The following TRAPPC9 variants were observed in gnomAD, a reference collection of about 807,000 sequenced individuals.
TRAPPC9 encodes the protein trafficking protein particle complex subunit 9.
TRAPPC9 carries 83 observed loss-of-function variants against 124.0 expected under a neutral mutation model. The observed-to-expected ratio is 0.67, with a 90% confidence interval of 0.56 to 0.80. TRAPPC9 has a LOEUF of 0.80. Ranked by LOEUF, TRAPPC9 falls within the 30% of genes least tolerant of loss-of-function variation. The pLI, the probability that TRAPPC9 is intolerant of heterozygous loss-of-function variation, is 0.00. For synonymous variants in TRAPPC9, 638 were observed against 617.5 expected (o/e 1.03, Z -0.49); for missense variants, 1,302 against 1,508.3 (o/e 0.86, Z 2.27).
chr8:140,287,764 C>T (rs182078522), intron 12 of TRAPPC9, 30 bp from the exon 13 acceptor site: 605 of 1,613,718 alleles, frequency 3.7e-4, no homozygotes, highest in Non-Finnish European at 3.8e-4. Flanking sequence ...ATCGTAAGCC[C>T]GGAGCAAACC....
chr8:140,398,471 G>A (rs7463325), intron 6 of TRAPPC9, among the ~76,000 whole-genome samples: 7 of 152,292 alleles, frequency 4.6e-5, no homozygotes, highest in East Asian at 1.9e-4. Context: ...TATGGACAAC[G>A]AAAGAGGGCT....
chr8:140,210,635 G>A (rs538681340), intron 17 of TRAPPC9, among the ~76,000 whole-genome samples: 15 of 151,870 alleles, frequency 9.9e-5, no homozygotes, highest in African/African-American at 2.7e-4. Flanking sequence ...GCAAACCGAC[G>A]ATTACATGGC....
chr8:140,054,602 A>G (rs528667464), intron 17 of TRAPPC9, among the ~76,000 whole-genome samples: 2 of 152,332 alleles, frequency 1.3e-5, no homozygotes, highest in African/African-American at 2.4e-5. Context: ...ATGATTTTAA[A>G]AAACAACTAA....
At chr8:140,339,567 C>G (rs1462223571) in intron 9 of TRAPPC9, among the ~76,000 whole-genome samples, 1 of 152,164 alleles carries the variant, frequency 6.6e-6, no homozygotes, top group African/African-American at 2.4e-5. Context: ...GTCTCACCTC[C>G]CAACTCCTCA....
intron 18 of TRAPPC9, among the ~76,000 whole-genome samples, chr8:139,996,158 C>CAAAAAAAAAAAAAAAAAAAAAA: frequency 1.0e-4 from 2 of 19,424 alleles, no homozygotes; most frequent in East Asian, 2.4e-3. Context: ...AAAACTTAAG[C>CAAAAAAAAAAAAAAAAAAAAAA]AAAAAAAAAA....
At chr8:139,824,034 C>T (rs1169359058) in intron 21 of TRAPPC9, among the ~76,000 whole-genome samples, 1 of 152,222 alleles carries the variant, frequency 6.6e-6, no homozygotes, top group Non-Finnish European at 1.5e-5. Context: ...CAGCAGTTTA[C>T]ATGGGGCTCT....
At position 140,097,610 on chromosome 8, in the gene TRAPPC9, G is replaced by C. The variant is rs1453528650; in HGVS notation, c.2557-73531C>G. On this transcript the variant is annotated intron_variant, in intron 17 of 22. Transcript: ENST00000438773. This position sits in a 1 kb window ranked among gnomAD's most constrained non-coding sequence, Gnocchi z 4.2. ...GCTGTCCACACCATAAAAACTCCTG[G>C]CCACAGACGTGCCACAGTCGGCAGG... 2 of 152,248 alleles carry C rather than the reference G, an allele frequency of 1.3e-5. No individual in the cohort carries two copies. The highest frequency in any genetic ancestry group is 2.9e-5 in the Non-Finnish European group (2 of 68,078). The allele number at this position is 152,248 out of a possible 1,614,324, so 9.4% of individuals were successfully genotyped here. A position where few individuals can be genotyped will look rare whatever the true frequency, so the allele number is the denominator to read the frequency against.
intron 21 of TRAPPC9, among the ~76,000 whole-genome samples, chr8:139,755,386 T>G (rs1285016779): frequency 8.1e-6 from 1 of 123,150 alleles, no homozygotes; most frequent in African/African-American, 3.1e-5. Flanking sequence ...GGGTTGGGGA[T>G]GAGGACAGCA....
At chr8:140,395,076 G>A (rs2069049999) in intron 7 of TRAPPC9, among the ~76,000 whole-genome samples, 1 of 152,214 alleles carries the variant, frequency 6.6e-6, no homozygotes, top group Non-Finnish European at 1.5e-5. Flanking sequence ...ACTTTGAAGT[G>A]TCAGGTTCCC....
chr8:140,354,273 C>G (rs1013041712), intron 9 of TRAPPC9, among the ~76,000 whole-genome samples: 1 of 152,178 alleles, frequency 6.6e-6, no homozygotes, highest in Non-Finnish European at 1.5e-5. Flanking sequence ...AGGATGACAG[C>G]TCCATTAATC....
intron 18 of TRAPPC9, among the ~76,000 whole-genome samples, chr8:140,007,250 A>G (rs560287923): frequency 1.3e-5 from 2 of 152,248 alleles, no homozygotes; most frequent in African/African-American, 2.4e-5. Context: ...ATCAGGGGCA[A>G]TAACAGTAAC....
At chr8:139,939,314 A>C (rs1320246914) in intron 19 of TRAPPC9, among the ~76,000 whole-genome samples, 1 of 152,186 alleles carries the variant, frequency 6.6e-6, no homozygotes, top group East Asian at 1.9e-4. Context: ...CCCTGAGGTG[A>C]GTGGACAACA....
chr8:139,921,114 C>T (rs537412142), intron 19 of TRAPPC9, among the ~76,000 whole-genome samples: 1 of 152,254 alleles, frequency 6.6e-6, no homozygotes, highest in East Asian at 1.9e-4. Flanking sequence ...AGCTAGAGGA[C>T]ACTGGCCACT....
At chr8:139,777,323 T>C (rs1821459992) in intron 21 of TRAPPC9, among the ~76,000 whole-genome samples, 1 of 152,194 alleles carries the variant, frequency 6.6e-6, no homozygotes, top group African/African-American at 2.4e-5. Context: ...AGAGCTTCAT[T>C]TTTCTAAAGT....
rs1441046714 is a variant in TRAPPC9, at chr8:139,742,001, T to C, written c.3056-9799A>G. On this transcript the variant is annotated intron_variant, in intron 21 of 22. Coordinates refer to ENST00000438773, the MANE Select transcript of TRAPPC9 (RefSeq NM_001160372.4). The surrounding 1 kb of genome is among the most constrained non-coding windows in gnomAD (Gnocchi z 4.7). The stretch of plus-strand genomic sequence containing the variant: ...GCACATTTATGGAGAAGATTTTGTG[T>C]GGACACAGGTTATTATTTCTCATGG... Among the ~76,000 whole-genome samples, 1 of 152,232 alleles carries C rather than the reference T, an allele frequency of 6.6e-6. No homozygotes were observed. The highest frequency in any genetic ancestry group is 1.5e-5 in the Non-Finnish European group (1 of 68,042).
chr8:140,231,368 T>G (rs1433531013), intron 16 of TRAPPC9, among the ~76,000 whole-genome samples: 2 of 151,758 alleles, frequency 1.3e-5, no homozygotes, highest in Non-Finnish European at 2.9e-5. Context: ...AATGACTTCA[T>G]GAATGAATAA....
At chr8:139,876,784 C>G (rs138059987) in intron 21 of TRAPPC9, among the ~76,000 whole-genome samples, 41 of 152,324 alleles carry the variant, frequency 2.7e-4, no homozygotes, top group African/African-American at 9.9e-4. Context: ...GCTCCAACAA[C>G]AGCAATCATT....
Position 140,201,010 on chromosome 8 carries a change from T to C in TRAPPC9, c.2556+20449A>G, listed in dbSNP as rs1268020364. On this transcript the variant is annotated intron_variant, in intron 17 of 22. Transcript: ENST00000438773. ...TTCAAAAGGATGAGATGAAAACAGA[T>C]GTAATATTCTTCCTGTGTTCCAGTA... is the stretch of plus-strand genomic sequence containing the variant. 2.0e-5 allele frequency among the ~76,000 whole-genome samples: 3 copies of C among 152,194 alleles called. No individual in the cohort carries two copies. In the East Asian group the frequency reaches 5.8e-4, roughly 29 times the overall value.
At chr8:140,125,299 G>A (rs916518680) in intron 17 of TRAPPC9, among the ~76,000 whole-genome samples, 1 of 152,204 alleles carries the variant, frequency 6.6e-6, no homozygotes, top group Non-Finnish European at 1.5e-5. Flanking sequence ...TCTGGAAATA[G>A]GGGAGGCACC....
Sources: gnomAD v4.1 joint callset for allele counts (sites outside exome capture counted in the v4.1 genomes callset) on GRCh38, gnomAD v4.1.1 for gene constraint, Gnocchi (gnomAD v3.1) non-coding constraint, MANE v1.5 for transcripts, NCBI Gene and HGNC (gene_info 2026-07-23, HGNC 2026-07-21) for gene names.